Variants in MLLT10 observed in about 807,000 individuals in gnomAD.
MLLT10 encodes the protein protein AF-10.
Under a neutral mutation model 129.1 loss-of-function variants are expected in MLLT10, and 30 were observed. The ratio of observed to expected loss-of-function variants is 0.23; its 90% CI spans 0.17 to 0.32. MLLT10 has a LOEUF of 0.32. Ranked by LOEUF, MLLT10 falls within the 10% of genes least tolerant of loss-of-function variation. MLLT10 has a pLI of 1.00. For missense variants in MLLT10, 1,119 were observed against 1,268.3 expected (o/e 0.88, Z 1.79); for synonymous variants, 490 against 446.4 (o/e 1.10, Z -1.23).
At chr10:21,661,485 A>G (rs2050197554) in intron 9 of MLLT10, 1 of 152,216 alleles carries the variant, frequency 6.6e-6, no homozygotes, top group African/African-American at 2.4e-5. Context: ...TTTTTGAAGT[A>G]TTAACACCTT....
At chr10:21,590,133 G>A (rs1456943145) in intron 4 of MLLT10, among the ~76,000 whole-genome samples, 3 of 151,898 alleles carry the variant, frequency 2.0e-5, no homozygotes, top group Non-Finnish European at 4.4e-5. Context: ...GAGACACGTC[G>A]TCTCACTTTG....
chr10:21,740,141 A>G lies in MLLT10; in HGVS notation c.3067A>G (p.Asn1023Asp), dbSNP rs771999196. 6.2e-7 allele frequency: 1 copy of G among 1,614,134 alleles called. No individual in the cohort carries two copies. The highest frequency in any genetic ancestry group is 1.7e-5 in the Admixed American group (1 of 60,014). Residue 1023 changes from asparagine to aspartate, a missense_variant, in exon 22 of 23, where the codon AAC becomes GAC. Physicochemically the swap from Asn to Asp is conservative, Grantham distance 23. Coordinates refer to ENST00000307729, the MANE Select transcript of MLLT10 (RefSeq NM_001195626.3). ...TGGACCAACACAAATACCCATAAACAACCTTCTTGCAGGTACACAGGCACC... is the reference window on the plus strand; with the variant it reads ...TGGACCAACACAAATACCCATAAACGACCTTCTTGCAGGTACACAGGCACC... ...IPGPTQIPIN[N>D]LLAGTQAPPL...
At chr10:21,689,618 T>TATAC (rs1325641079) in intron 13 of MLLT10, among the ~76,000 whole-genome samples, 7 of 112,074 alleles carry the variant, frequency 6.2e-5, no homozygotes, top group Admixed American at 9.9e-5. Flanking sequence ...TATATATATA[T>TATAC]ACACACACAC....
At chr10:21,626,346 T>C (rs1213547180) in intron 8 of MLLT10, 6 of 760,864 alleles carry the variant, frequency 7.9e-6, no homozygotes, top group Non-Finnish European at 1.3e-5. Context: ...ATTTTGAAAA[T>C]GACTAGAAAT....
At position 21,732,996 on chromosome 10, in the gene MLLT10, G is replaced by C; in HGVS notation, c.2316G>C (p.Gln772His). Residue 772 changes from glutamine to histidine, a missense_variant, in exon 18 of 23, where the codon CAG (glutamine) becomes CAC (histidine). This residue lies in a region of MLLT10 where 1,004 missense variants were observed against 1,008.7 expected (regional missense o/e 1.00). Transcript: ENST00000307729. Reference sequence around the variant, plus strand: ...TGACTGCCAAAAAGGAACGGCTTCAGTTATTGAATGCACAGCTTTCAGTGC... The same window carrying C: ...TGACTGCCAAAAAGGAACGGCTTCACTTATTGAATGCACAGCTTTCAGTGC... ...KNLTAKKERL[Q>H]LLNAQLSVPF... is the part of the protein sequence containing the mutation. 1 of 1,614,050 alleles carries C rather than the reference G, an allele frequency of 6.2e-7. No homozygotes were observed. Among genetic ancestry groups the C allele is most frequent in the South Asian group, 1.1e-5 (1 of 91,076 alleles).
chr10:21,614,741 A>G (rs7923267), intron 6 of MLLT10, 90 bp from the exon 7 acceptor site: 2 of 956,732 alleles, frequency 2.1e-6, no homozygotes, highest in African/African-American at 3.3e-5. Flanking sequence ...TTCTCAGAGC[A>G]TGAATGATTG....
At chr10:21,741,268 A>AT (rs921016928) in intron 22 of MLLT10, among the ~76,000 whole-genome samples, 1 of 77,238 alleles carries the variant, frequency 1.3e-5, no homozygotes, top group Non-Finnish European at 2.3e-5. Flanking sequence ...CTTTGGTAGT[A>AT]TTTTTTCCCC....
intron 13 of MLLT10, among the ~76,000 whole-genome samples, chr10:21,692,696 A>T (rs924407039): frequency 6.6e-6 from 1 of 151,176 alleles, no homozygotes; most frequent in African/African-American, 2.4e-5. Context: ...AATGTCGCCC[A>T]GGCTGGTCTC....
Position 21,708,515 on chromosome 10 carries a change from T to C in MLLT10, c.1700-5257T>C, listed in dbSNP as rs898467741. ...ATTTTCAAAGAAAGATTTAGAATTT[T>C]AAGCTTTCCTGCCTTGATAGGAAAG... On this transcript the variant is annotated intron_variant, in intron 13 of 22. Coordinates refer to ENST00000307729, the MANE Select transcript of MLLT10 (RefSeq NM_001195626.3). 8 of 937,818 alleles carry C rather than the reference T, an allele frequency of 8.5e-6. No homozygotes were observed. In the Admixed American group the frequency reaches 4.3e-4, roughly 51 times the overall value. 58.1% of individuals were successfully genotyped at this position (937,818 alleles called of 1,614,324 possible).
chr10:21,567,292 T>C (rs2039692812), intron 3 of MLLT10, among the ~76,000 whole-genome samples: 1 of 152,240 alleles, frequency 6.6e-6, no homozygotes, highest in South Asian at 2.1e-4. Flanking sequence ...GTTCAGGTTA[T>C]CTACCTTGTC....
intron 13 of MLLT10, among the ~76,000 whole-genome samples, chr10:21,708,922 G>A (rs1388729475): frequency 6.6e-6 from 1 of 152,130 alleles, no homozygotes; most frequent in Non-Finnish European, 1.5e-5. Context: ...TTACTCTGTG[G>A]TAGGCATTGC....
At chr10:21,649,211 GACCACAGGTTTAC>G in intron 8 of MLLT10, among the ~76,000 whole-genome samples, 1 of 152,230 alleles carries the variant, frequency 6.6e-6, no homozygotes, top group Non-Finnish European at 1.5e-5. Context: ...TAGTAGCTGG[GACCACAGGTTTAC>G]ACCACCACAC....
chr10:21,548,376 CTT>C (rs749491589), intron 3 of MLLT10, among the ~76,000 whole-genome samples: 9 of 140,824 alleles, frequency 6.4e-5, no homozygotes, highest in Admixed American at 7.1e-5. Flanking sequence ...TCTATCTTAT[CTT>C]TTTTTTTTTT....
At chr10:21,676,564 T>C (rs1199656964) in intron 11 of MLLT10, among the ~76,000 whole-genome samples, 2 of 149,462 alleles carry the variant, frequency 1.3e-5, no homozygotes, top group South Asian at 2.1e-4. Context: ...CTACTAAAAA[T>C]AGAAAAATTA....
chr10:21,729,769 C>T (rs994924233), intron 16 of MLLT10, among the ~76,000 whole-genome samples: 2 of 152,078 alleles, frequency 1.3e-5, no homozygotes, highest in African/African-American at 2.4e-5. Flanking sequence ...TATATACAAA[C>T]GCATTGGAAA....
At chr10:21,663,510 G>A (rs2050429550) in intron 9 of MLLT10, among the ~76,000 whole-genome samples, 1 of 151,874 alleles carries the variant, frequency 6.6e-6, no homozygotes, top group African/African-American at 2.4e-5. Context: ...CCAAGTAGCT[G>A]GGATTACAGG....
chr10:21,731,173 T>C (rs756350165), intron 17 of MLLT10, 119 bp downstream of exon 17: 2 of 913,218 alleles, frequency 2.2e-6, no homozygotes, highest in Non-Finnish European at 3.3e-6. Context: ...ATACATTTTA[T>C]ATAATACAGT....
intron 3 of MLLT10, among the ~76,000 whole-genome samples, chr10:21,567,431 A>C (rs1046076689): frequency 6.6e-6 from 1 of 152,044 alleles, no homozygotes; most frequent in Non-Finnish European, 1.5e-5. Flanking sequence ...CTCACTCTCT[A>C]CTAGGTCTTC....
chr10:21,670,397 A>G (rs2051272270), intron 9 of MLLT10, 52 bp from the exon 10 acceptor site: 2 of 1,517,044 alleles, frequency 1.3e-6, no homozygotes, highest in African/African-American at 1.4e-5. Flanking sequence ...TGTTTTCTGT[A>G]ACTAAAATGT....
Sources: gnomAD v4.1 joint callset for allele counts (sites outside exome capture counted in the v4.1 genomes callset) on GRCh38, gnomAD v4.1.1 for gene constraint, gnomAD v4.1.1 regional missense constraint, MANE v1.5 for transcripts, NCBI Gene and HGNC (gene_info 2026-07-23, HGNC 2026-07-21) for gene names.